ENPP6: variants seen among roughly 807,000 people sequenced by gnomAD.
ENPP6 encodes ectonucleotide pyrophosphatase/phosphodiesterase 6, also known as glycerophosphocholine cholinephosphodiesterase ENPP6.
Under a neutral mutation model 42.0 loss-of-function variants are expected in ENPP6, and 32 were observed. The observed-to-expected ratio is 0.76, with a 90% CI of 0.58 to 1.02. The LOEUF is 1.02. Among genes scored for constraint, ENPP6 ranks in the 50% least tolerant of loss-of-function variants. The probability of loss-of-function intolerance (pLI) is 0.00; values close to 1 mark genes in which losing one functional copy is unlikely to be tolerated. For synonymous variants in ENPP6, 213 were observed against 216.0 expected (o/e 0.99, Z 0.12); for missense variants, 552 against 566.8 (o/e 0.97, Z 0.27).
At position 184,097,332 on chromosome 4, in the gene ENPP6, C is replaced by A; in HGVS notation, c.1030G>T (p.Gly344Cys). The A allele has an allele frequency of 6.2e-7, 1 of 1,614,192 alleles. No individual in the cohort carries two copies. The change falls in exon 7 of 8, where the codon GGC becomes TGC. Residue 344 changes from glycine (G) to cysteine (C), a missense_variant. Gly to Cys is a radical substitution (Grantham distance 159). Coordinates refer to ENST00000296741, the MANE Select transcript of ENPP6 (RefSeq NM_153343.4). ...EMLPFWMNST[G>C]RREGWQRGWH... ...CCACGCTGCCAACCTTCCCGCCTGC[C>A]GGTGCTGTTCATCCAAAACGGAAGC...
At chr4:184,178,370 G>T (rs954687134) in intron 1 of ENPP6, among the ~76,000 whole-genome samples, 4 of 152,038 alleles carry the variant, frequency 2.6e-5, no homozygotes, top group Non-Finnish European at 4.4e-5. Flanking sequence ...TATGGGATTA[G>T]GTAAAAAGAC....
intron 7 of ENPP6, among the ~76,000 whole-genome samples, chr4:184,096,537 A>C (rs1735903875): frequency 6.6e-6 from 1 of 152,166 alleles, no homozygotes; most frequent in African/African-American, 2.4e-5. Flanking sequence ...TTCAGGTAGC[A>C]GTAAGATCTT....
chr4:184,143,663 T>A (rs1375654893), intron 2 of ENPP6, among the ~76,000 whole-genome samples: 1 of 152,230 alleles, frequency 6.6e-6, no homozygotes, highest in Non-Finnish European at 1.5e-5. Flanking sequence ...CTCTGGGCAA[T>A]CTGGAACATG....
intron 4 of ENPP6, among the ~76,000 whole-genome samples, 160 bp downstream of exon 4, chr4:184,117,599 G>A (rs549463229): frequency 8.1e-4 from 124 of 152,304 alleles, no homozygotes; most frequent in African/African-American, 2.8e-3. Context: ...ACTTGGTATC[G>A]CAGGAGGCAT....
At position 184,202,408 on chromosome 4, in the gene ENPP6, G is replaced by A. The variant is rs559911058; in HGVS notation, c.241+15171C>T. 2.0e-3 allele frequency among the ~76,000 whole-genome samples: 310 copies of A among 152,222 alleles called. 1 individual carries two copies. Among genetic ancestry groups the A allele is most frequent in the African/African-American group, 6.7e-3 (277 of 41,534 alleles). On this transcript the variant is annotated intron_variant, in intron 1 of 7. Coordinates refer to ENST00000296741, the MANE Select transcript of ENPP6 (RefSeq NM_153343.4). ...ACAGCCCATCATAAAGGATAGATGC[G>A]GTGAAGTCTGGAGTGGAACAGGAGG...
rs1735736271 is a variant in ENPP6, at chr4:184,088,844, T to C, written c.*2333A>G. 6.6e-6 allele frequency: 1 copy of C among 152,224 alleles called. No homozygotes were observed. Among genetic ancestry groups the C allele is most frequent in the Admixed American group, 6.5e-5 (1 of 15,288 alleles). 9.4% of individuals were successfully genotyped at this position (152,224 alleles called of 1,614,324 possible). On this transcript the variant is annotated 3_prime_UTR_variant, in exon 8 of 8. Coordinates refer to ENST00000296741, the MANE Select transcript of ENPP6 (RefSeq NM_153343.4). ...GAGTAATTACACTTTGTCAGACAAATATCTAAAGTTTTATTATGTAACTTG... is the reference window on the plus strand; with the variant it reads ...GAGTAATTACACTTTGTCAGACAAACATCTAAAGTTTTATTATGTAACTTG...
At chr4:184,118,006 T>G in intron 3 of ENPP6, 106 bp from the exon 4 acceptor site, 1 of 1,412,538 alleles carries the variant, frequency 7.1e-7, no homozygotes, top group Non-Finnish European at 9.5e-7. Flanking sequence ...CCCGAAACCT[T>G]GTCCCTGGGC....
chr4:184,205,468 G>A (rs775628501), intron 1 of ENPP6, among the ~76,000 whole-genome samples: 9 of 152,226 alleles, frequency 5.9e-5, no homozygotes, highest in Non-Finnish European at 1.0e-4. Context: ...CACGCCCAGC[G>A]GGACACAAGC....
intron 2 of ENPP6, among the ~76,000 whole-genome samples, chr4:184,130,443 A>G (rs1292729505): frequency 9.1e-5 from 9 of 98,542 alleles, no homozygotes; most frequent in Non-Finnish European, 1.4e-4. Context: ...CTGTAGTCCC[A>G]GCTACTCGGG....
chr4:184,144,450 CA>C (rs1736884744), intron 2 of ENPP6, among the ~76,000 whole-genome samples: 1 of 152,222 alleles, frequency 6.6e-6, no homozygotes, highest in Non-Finnish European at 1.5e-5. Flanking sequence ...CCCCGCCACT[CA>C]CTTTCCTCTG....
chr4:184,135,663 A>G (rs1470300152), intron 2 of ENPP6, among the ~76,000 whole-genome samples: 2 of 146,822 alleles, frequency 1.4e-5, no homozygotes, highest in East Asian at 4.0e-4. Flanking sequence ...ATTTCTATCA[A>G]AATTTAACAT....
chr4:184,105,866 TGTTTA>T (rs1292420564), intron 6 of ENPP6, among the ~76,000 whole-genome samples: 2 of 152,224 alleles, frequency 1.3e-5, no homozygotes, highest in African/African-American at 2.4e-5. Flanking sequence ...ATTGACAGTC[TGTTTA>T]GTGGGTCAGT....
chr4:184,196,278 G>A (rs1359109007), intron 1 of ENPP6, among the ~76,000 whole-genome samples: 2 of 152,174 alleles, frequency 1.3e-5, no homozygotes, highest in Non-Finnish European at 2.9e-5. Context: ...TGCTTCCCCT[G>A]TGCCTGTTCT....
At chr4:184,114,329 C>T (rs1736278690) in intron 5 of ENPP6, among the ~76,000 whole-genome samples, 1 of 152,176 alleles carries the variant, frequency 6.6e-6, no homozygotes, top group Non-Finnish European at 1.5e-5. Context: ...AATCGACTGA[C>T]TGATATTGAC....
At chr4:184,208,109 T>C (rs1733031491) in intron 1 of ENPP6, among the ~76,000 whole-genome samples, 1 of 151,290 alleles carries the variant, frequency 6.6e-6, no homozygotes, top group Middle Eastern at 3.4e-3. Flanking sequence ...GAGGACACAT[T>C]TGGGCTCACA....
rs921712148 is a variant in ENPP6, at chr4:184,191,843, A to G, written c.241+25736T>C. On this transcript the variant is annotated intron_variant, in intron 1 of 7. Coordinates refer to ENST00000296741, the MANE Select transcript of ENPP6 (RefSeq NM_153343.4). ...TAAGGTAGGAAGATAATTACAGTTT[A>G]TATACTGCAAAAATAAAATTCTGAA... Among the ~76,000 whole-genome samples, 31 of 152,242 alleles carry G rather than the reference A, an allele frequency of 2.0e-4. 1 individual carries two copies. Among genetic ancestry groups the G allele is most frequent in the Non-Finnish European group, 4.4e-5 (3 of 68,036 alleles).
chr4:184,131,651 A>G (rs1736637329), intron 2 of ENPP6, among the ~76,000 whole-genome samples: 1 of 151,838 alleles, frequency 6.6e-6, no homozygotes, highest in South Asian at 2.1e-4. Flanking sequence ...GGTGTGAGCC[A>G]TCACGCCCTG....
rs10520556 is a variant in ENPP6, at chr4:184,118,629, G to A, written c.534-729C>T. Among the ~76,000 whole-genome samples, 1,077 of 152,318 alleles carry A rather than the reference G, an allele frequency of 7.1e-3. 14 individuals carry two copies. The highest frequency in any genetic ancestry group is 0.024 in the African/African-American group (1,005 of 41,568). On this transcript the variant is annotated intron_variant, in intron 3 of 7. Transcript: ENST00000296741. ...AAGGATGATACGTTGACATTTCATT[G>A]ACTCATTAGGACCCTATGTCTTCAA...
chr4:184,201,969 G>A (rs1056647216), intron 1 of ENPP6, among the ~76,000 whole-genome samples: 9 of 152,122 alleles, frequency 5.9e-5, no homozygotes, highest in Non-Finnish European at 8.8e-5. Flanking sequence ...CTGTGCATCC[G>A]TGAGAAATAT....
Sources: gnomAD v4.1 joint callset for allele counts (sites outside exome capture counted in the v4.1 genomes callset) on GRCh38, gnomAD v4.1.1 for gene constraint, MANE v1.5 for transcripts, NCBI Gene and HGNC (gene_info 2026-07-23, HGNC 2026-07-21) for gene names.